Variants in TMEM98 observed in about 807,000 individuals in gnomAD.
TMEM98 encodes the protein transmembrane protein 98.
In TMEM98, 18 loss-of-function variants were observed where a neutral mutation model predicts 25.0. The ratio of observed to expected loss-of-function variants is 0.72; its 90% confidence interval spans 0.50 to 1.07. The LOEUF is 1.07. Among genes scored for constraint, TMEM98 ranks in the 50% least tolerant of loss-of-function variants. TMEM98 has a pLI of 0.00. For synonymous variants in TMEM98, 103 were observed against 112.4 expected (o/e 0.92, Z 0.53); for missense variants, 241 against 289.0 (o/e 0.83, Z 1.20).
At chr17:32,931,765 C>A in intron 3 of TMEM98, 106 bp downstream of exon 3, 1 of 1,426,548 alleles carries the variant, frequency 7.0e-7, no homozygotes, top group Non-Finnish European at 9.3e-7. Context: ...CTTTTTGGTT[C>A]TAAAATGGTA....
chr17:32,931,395 T>G lies in TMEM98; in HGVS notation c.-62T>G. Reference sequence around the variant, plus strand: ...CCATCCTCTTCCCCAATTTGCCACTTCCAGCAGGTAAGACCCACCTGTCCC... The same window carrying G: ...CCATCCTCTTCCCCAATTTGCCACTGCCAGCAGGTAAGACCCACCTGTCCC... On this transcript the variant is annotated 5_prime_UTR_variant, in exon 2 of 8. Coordinates refer to ENST00000579849, the MANE Select transcript of TMEM98 (RefSeq NM_015544.3). 3 of 1,292,682 alleles carry G rather than the reference T, an allele frequency of 2.3e-6. No individual in the cohort carries two copies. In the South Asian group the frequency reaches 4.7e-5, roughly 20 times the overall value. The allele number at this position is 1,292,682 out of a possible 1,614,324, so 80.1% of individuals were successfully genotyped here. A position where few individuals can be genotyped will look rare whatever the true frequency, so the allele number is the denominator to read the frequency against.
Position 32,942,035 on chromosome 17 carries a change from A to G in TMEM98, c.*1042A>G, listed in dbSNP as rs1010505443. 5 of 152,266 alleles carry G rather than the reference A, an allele frequency of 3.3e-5. No homozygotes were observed. Among genetic ancestry groups the G allele is most frequent in the African/African-American group, 1.2e-4 (5 of 41,552 alleles). 9.4% of individuals were successfully genotyped at this position (152,266 alleles called of 1,614,324 possible). A position where few individuals can be genotyped will look rare whatever the true frequency, so the allele number is the denominator to read the frequency against. On this transcript the variant is annotated 3_prime_UTR_variant, in exon 8 of 8. Coordinates refer to ENST00000579849, the MANE Select transcript of TMEM98 (RefSeq NM_015544.3). ...CCAGCCTGGGCGACAGAGTGAGACC[A>G]TGTCTCCAAAACATACATATATATA...
At chr17:32,936,753 A>T (rs113266366) in intron 6 of TMEM98, among the ~76,000 whole-genome samples, 13,511 of 152,088 alleles carry the variant, frequency 0.089, 677 homozygotes, top group Non-Finnish European at 0.094. Context: ...CGCCCCTCTT[A>T]CCCAGCCACA....
chr17:32,941,109 C>A lies in TMEM98; in HGVS notation c.*116C>A. On this transcript the variant is annotated 3_prime_UTR_variant, in exon 8 of 8. Coordinates refer to ENST00000579849, the MANE Select transcript of TMEM98 (RefSeq NM_015544.3). The stretch of plus-strand genomic sequence containing the variant: ...TGTTCTCCACGGCTGGAGAGTTCAG[C>A]TGTGTGTGCATAGTAAAGCAGGAGA... The A allele has an allele frequency of 3.3e-6, 3 of 898,848 alleles. No homozygotes were observed. Among genetic ancestry groups the A allele is most frequent in the Non-Finnish European group, 5.0e-6 (3 of 605,218 alleles). 55.7% of individuals were successfully genotyped at this position (898,848 alleles called of 1,614,324 possible).
Position 32,941,073 on chromosome 17 carries a change from A to G in TMEM98, c.*80A>G, listed in dbSNP as rs1461769587. The G allele has an allele frequency of 4.8e-6, 6 of 1,257,574 alleles. No individual in the cohort carries two copies. The highest frequency in any genetic ancestry group is 1.5e-5 in the African/African-American group (1 of 66,214). 77.9% of individuals were successfully genotyped at this position (1,257,574 alleles called of 1,614,324 possible). ...TCAGCTTAGCCTTCTACTTTTTCCT[A>G]TAGAGTTAGTTGTTCTCCACGGCTG... On this transcript the variant is annotated 3_prime_UTR_variant, in exon 8 of 8. Coordinates refer to ENST00000579849, the MANE Select transcript of TMEM98 (RefSeq NM_015544.3).
intron 1 of TMEM98, among the ~76,000 whole-genome samples, chr17:32,929,807 C>T (rs1328497651): frequency 6.6e-6 from 1 of 152,130 alleles, no homozygotes; most frequent in Non-Finnish European, 1.5e-5. Context: ...CCAGCTCTAG[C>T]CTCACCACTC....
rs29020 is a variant in TMEM98 at position 32,932,544 on chromosome 17, C to G, written c.132-630C>G. On this transcript the variant is annotated intron_variant, in intron 3 of 7. Transcript: ENST00000579849. The stretch of plus-strand genomic sequence containing the variant: ...TCTTATCCTTCTGTCTTAATCCTAT[C>G]AGCATCTCTGTCAAGTGGTTCATAA... 6.0e-3 allele frequency among the ~76,000 whole-genome samples: 921 copies of G among 152,338 alleles called. 8 individuals are homozygous for G. The highest frequency in any genetic ancestry group is 0.02 in the African/African-American group (824 of 41,572).
chr17:32,935,653 A>T (rs1206376494), intron 5 of TMEM98, among the ~76,000 whole-genome samples: 1 of 152,110 alleles, frequency 6.6e-6, no homozygotes, highest in Non-Finnish European at 1.5e-5. Flanking sequence ...CTCCAAGTAT[A>T]GGTCAGGTAG....
chr17:32,934,777 G>T (rs1190604989), intron 5 of TMEM98, among the ~76,000 whole-genome samples: 5 of 152,208 alleles, frequency 3.3e-5, no homozygotes, highest in Non-Finnish European at 7.3e-5. Context: ...TTCTTTGGCT[G>T]TGACCGTAGT....
In TMEM98 at chr17:32,941,668, A is replaced by C. The variant is rs536654894; in HGVS notation, c.*675A>C. ...CCCTCAAGTGTGTAGTTATTGAGTC[A>C]AATTCATATGCATGGTGTATTGTGG... On this transcript the variant is annotated 3_prime_UTR_variant, in exon 8 of 8. Transcript: ENST00000579849. The C allele has an allele frequency of 2.6e-5, 4 of 152,366 alleles. No individual in the cohort carries two copies. The South Asian group carries it at 8.3e-4, about 32-fold the overall frequency. The allele number at this position is 152,366 out of a possible 1,614,324, so 9.4% of individuals were successfully genotyped here.
intron 6 of TMEM98, among the ~76,000 whole-genome samples, chr17:32,938,130 C>A (rs890035221): frequency 6.6e-6 from 1 of 152,106 alleles, no homozygotes; most frequent in Non-Finnish European, 1.5e-5. Context: ...GCTCACAGGC[C>A]CATCCTAAAG....
chr17:32,937,308 C>G (rs2091502137), intron 6 of TMEM98, among the ~76,000 whole-genome samples: 1 of 152,214 alleles, frequency 6.6e-6, no homozygotes, highest in East Asian at 1.9e-4. Context: ...AGCCCTTTCT[C>G]TGCCTCAAGA....
intron 5 of TMEM98, 87 bp downstream of exon 5, chr17:32,934,411 G>A (rs2091485121): frequency 1.4e-6 from 2 of 1,477,024 alleles, no homozygotes; most frequent in Admixed American, 1.8e-5. Flanking sequence ...CCTTAGAAAG[G>A]GCACTGACCT....
chr17:32,939,535 C>T lies in TMEM98; in HGVS notation c.472C>T (p.Arg158Trp), dbSNP rs138851339. 13 of 1,613,984 alleles carry T rather than the reference C, an allele frequency of 8.1e-6. No homozygotes were observed. Among genetic ancestry groups the T allele is most frequent in the African/African-American group, 1.3e-5 (1 of 74,932 alleles). The change falls in exon 7 of 8, where the codon CGG becomes TGG. Residue 158 changes from arginine (R) to tryptophan (W), a missense_variant and splice_region_variant. By Grantham distance (101) the Arg-to-Trp change is moderately radical. Coordinates refer to ENST00000579849, the MANE Select transcript of TMEM98 (RefSeq NM_015544.3). ...PPLDPKLLDA[R>W]TTALLLSVSH... ...GTTGGACCCCAAACTCCTGGACGCA[C>T]GGTGAGACCAGGGGTGGGTGCATGT...
Position 32,939,920 on chromosome 17 carries a change from G to A in TMEM98, c.473+384G>A, listed in dbSNP as rs534685586. Among the ~76,000 whole-genome samples the A allele has an allele frequency of 5.3e-5, 8 of 152,282 alleles. No individual in the cohort carries two copies. In the South Asian group the frequency reaches 1.4e-3, roughly 28 times the overall value. ...GGGCGGTGGGGCAGTGGTTCCCAGAGCAGTGAGAATGGAGGTGACAGGTCA... is the reference window on the plus strand; with the variant it reads ...GGGCGGTGGGGCAGTGGTTCCCAGAACAGTGAGAATGGAGGTGACAGGTCA... On this transcript the variant is annotated intron_variant, in intron 7 of 7. Transcript: ENST00000579849.
At chr17:32,938,192 C>G (rs2091507937) in intron 6 of TMEM98, among the ~76,000 whole-genome samples, 1 of 152,182 alleles carries the variant, frequency 6.6e-6, no homozygotes, top group African/African-American at 2.4e-5. Flanking sequence ...AGCCAGGGTC[C>G]TGCTTTGTCC....
At chr17:32,928,279 G>C (rs919435666) in intron 1 of TMEM98, 42 bp downstream of exon 1, 2 of 150,538 alleles carry the variant, frequency 1.3e-5, no homozygotes, top group Non-Finnish European at 3.0e-5. Context: ...CGGCGAGTCG[G>C]GGAAGGGGAC....
In TMEM98 at chr17:32,941,057, C is replaced by T; in HGVS notation, c.*64C>T. The T allele has an allele frequency of 1.4e-6, 2 of 1,397,490 alleles. No homozygotes were observed. The highest frequency in any genetic ancestry group is 1.9e-6 in the Non-Finnish European group (2 of 1,032,504). The allele number at this position is 1,397,490 out of a possible 1,614,324, so 86.6% of individuals were successfully genotyped here. A position where few individuals can be genotyped will look rare whatever the true frequency, so the allele number is the denominator to read the frequency against. On this transcript the variant is annotated 3_prime_UTR_variant, in exon 8 of 8. Transcript: ENST00000579849. ...GCCATCCCTGGATGGCTCAGCTTAG[C>T]CTTCTACTTTTTCCTATAGAGTTAG... is the stretch of plus-strand genomic sequence containing the variant.
chr17:32,928,288 A>C (rs2091443190), intron 1 of TMEM98, 51 bp downstream of exon 1: 1 of 140,576 alleles, frequency 7.1e-6, no homozygotes, highest in Non-Finnish European at 1.6e-5. Flanking sequence ...GGGGAAGGGG[A>C]CGCGGGGGCG....
Sources: allele counts gnomAD v4.1 joint callset (sites outside exome capture counted in the v4.1 genomes callset), GRCh38; gene constraint gnomAD v4.1.1; transcripts MANE v1.5; gene names NCBI Gene and HGNC (gene_info 2026-07-23, HGNC 2026-07-21).